CNBD1: variants seen among roughly 807,000 people sequenced by gnomAD.
CNBD1 encodes cyclic nucleotide-binding domain-containing protein 1.
Under a neutral mutation model 54.4 loss-of-function variants are expected in CNBD1, and 71 were observed. That is an observed-to-expected ratio of 1.30 (90% CI 1.08 to 1.59). The LOEUF (loss-of-function observed/expected upper bound fraction) is 1.59, where lower values mean the gene tolerates loss of function less well. Ranked by LOEUF, CNBD1 falls within the 40% of genes most tolerant of loss-of-function variation. The pLI, the probability that CNBD1 is intolerant of heterozygous loss-of-function variation, is 0.00. For synonymous variants in CNBD1, 182 were observed against 170.7 expected, an observed-to-expected ratio of 1.07 and a Z score of -0.51; for missense variants, 659 against 518.0, an observed-to-expected ratio of 1.27 and a Z score of -2.64.
chr8:87,350,335 A>AT (rs952253719), intron 8 of CNBD1, among the ~76,000 whole-genome samples: 3 of 152,124 alleles, frequency 2.0e-5, no homozygotes, highest in East Asian at 3.9e-4. Flanking sequence ...TAACCTTTTA[A>AT]TTTTTTATTA....
chr8:87,219,972 A>G (rs968924703), intron 5 of CNBD1, among the ~76,000 whole-genome samples: 3 of 152,044 alleles, frequency 2.0e-5, no homozygotes, highest in Non-Finnish European at 4.4e-5. Context: ...TAGGCAATAA[A>G]AAAGTTTAAT....
intron 4 of CNBD1, among the ~76,000 whole-genome samples, chr8:87,126,451 C>G (rs997361591): frequency 1.3e-5 from 2 of 151,992 alleles, no homozygotes; most frequent in African/African-American, 2.4e-5. Context: ...TTTACTTGTA[C>G]AAATCTTTGT....
intron 4 of CNBD1, among the ~76,000 whole-genome samples, chr8:87,177,963 T>A (rs1446629542): frequency 6.6e-6 from 1 of 152,198 alleles, no homozygotes; most frequent in East Asian, 1.9e-4. Flanking sequence ...TATAATGTAA[T>A]GTTGTATGAA....
rs548146567 is a variant in CNBD1, at chr8:87,215,587, C to CAAA, written c.577+9464_577+9466dup. Reference sequence around the variant, plus strand: ...TGGGCGACAGAGTGAGACTCCTTCTCAAAAAAAAAAAAAAAAAGAGTTTCT... The same window carrying CAAA: ...TGGGCGACAGAGTGAGACTCCTTCTCAAAAAAAAAAAAAAAAAAAAGAGTTTCT... On this transcript the variant is annotated intron_variant, in intron 5 of 10. Transcript: ENST00000518476. Among the ~76,000 whole-genome samples the CAAA allele has an allele frequency of 3.9e-3, 249 of 63,592 alleles. 4 individuals carry two copies. Among genetic ancestry groups the CAAA allele is most frequent in the South Asian group, 0.037 (71 of 1,898 alleles). The allele number at this position is 63,592 out of a possible 152,430, so 41.7% of individuals were successfully genotyped here. A position where few individuals can be genotyped will look rare whatever the true frequency, so the allele number is the denominator to read the frequency against.
chr8:87,046,055 A>C (rs1167646684), intron 4 of CNBD1, among the ~76,000 whole-genome samples: 2 of 151,104 alleles, frequency 1.3e-5, no homozygotes, highest in Admixed American at 6.6e-5. Flanking sequence ...AAAAAAAAAA[A>C]AAAAAAAAAA....
chr8:87,015,183 G>T (rs952384502), intron 4 of CNBD1, among the ~76,000 whole-genome samples: 3 of 151,982 alleles, frequency 2.0e-5, no homozygotes. Context: ...GACTTTTTGT[G>T]GGGGAGGGGG....
chr8:86,957,887 G>A (rs1807819961), intron 4 of CNBD1, among the ~76,000 whole-genome samples: 1 of 152,016 alleles, frequency 6.6e-6, no homozygotes, highest in Non-Finnish European at 1.5e-5. Context: ...GAATGTGTTT[G>A]CCCTTGCTTC....
intron 4 of CNBD1, among the ~76,000 whole-genome samples, chr8:87,075,066 T>G (rs922060542): frequency 6.6e-6 from 1 of 152,220 alleles, no homozygotes; most frequent in African/African-American, 2.4e-5. Flanking sequence ...CTCTTAGGCA[T>G]ATTATGAATA....
At chr8:86,900,587 AATAGACT>A (rs1808917301) in intron 2 of CNBD1, among the ~76,000 whole-genome samples, 1 of 152,144 alleles carries the variant, frequency 6.6e-6, no homozygotes, top group Admixed American at 6.5e-5. Flanking sequence ...TTACTTGCCT[AATAGACT>A]ATAAACAGTG....
chr8:87,123,096 T>C (rs533550163), intron 4 of CNBD1, among the ~76,000 whole-genome samples: 1 of 152,004 alleles, frequency 6.6e-6, no homozygotes, highest in Admixed American at 6.6e-5. Flanking sequence ...ATTGGAATTT[T>C]GACAGAGAAT....
At chr8:86,895,000 TAGAG>T (rs1808828987) in intron 2 of CNBD1, among the ~76,000 whole-genome samples, 1 of 152,164 alleles carries the variant, frequency 6.6e-6, no homozygotes, top group African/African-American at 2.4e-5. Context: ...ATAGAGAAGA[TAGAG>T]AAAGACACCA....
chr8:86,950,582 C>A (rs905600223), intron 4 of CNBD1, among the ~76,000 whole-genome samples: 2 of 152,000 alleles, frequency 1.3e-5, no homozygotes, highest in African/African-American at 4.8e-5. Context: ...CAGTGTTCAT[C>A]AGAGATGTTG....
chr8:87,157,985 G>A lies in CNBD1; in HGVS notation c.432-48008G>A, dbSNP rs1227005248. On this transcript the variant is annotated intron_variant, in intron 4 of 10. Coordinates refer to ENST00000518476, the MANE Select transcript of CNBD1 (RefSeq NM_173538.3). ...TAGATTTACTGCTTATTGCTCATAT[G>A]AGTATGAGCAAGTTACTATACTACT... Among the ~76,000 whole-genome samples, 4 of 152,070 alleles carry A rather than the reference G, an allele frequency of 2.6e-5. No homozygotes were observed. The East Asian group carries it at 7.7e-4, about 29-fold the overall frequency.
intron 8 of CNBD1, among the ~76,000 whole-genome samples, chr8:87,324,301 A>G (rs1191387755): frequency 7.1e-5 from 9 of 127,514 alleles, no homozygotes; most frequent in Admixed American, 2.3e-4. Flanking sequence ...TTGGTATCAG[A>G]ATGATGCTGG....
intron 4 of CNBD1, among the ~76,000 whole-genome samples, chr8:87,131,769 G>A (rs1196587168): frequency 1.3e-5 from 2 of 151,382 alleles, no homozygotes; most frequent in Admixed American, 1.3e-4. Context: ...ATCAAATTAT[G>A]AAAAAAAATA....
intron 4 of CNBD1, among the ~76,000 whole-genome samples, chr8:86,991,622 G>A (rs544049639): frequency 1.3e-5 from 2 of 152,074 alleles, no homozygotes; most frequent in Non-Finnish European, 2.9e-5. Context: ...TTGTTACTTT[G>A]CAATCTTTCT....
At chr8:87,304,769 A>G (rs1457187728) in intron 8 of CNBD1, among the ~76,000 whole-genome samples, 1 of 152,192 alleles carries the variant, frequency 6.6e-6, no homozygotes, top group Non-Finnish European at 1.5e-5. Flanking sequence ...TCTTAATGTA[A>G]TAAAAGCCAT....
chr8:87,426,963 G>A (rs1044192925), intron 2 of CNBD1, among the ~76,000 whole-genome samples: 2 of 152,136 alleles, frequency 1.3e-5, no homozygotes, highest in African/African-American at 4.8e-5. Context: ...AAATAATGGA[G>A]CCAACTGTTA....
chr8:87,411,375 G>C (rs920324209), intron 2 of CNBD1, among the ~76,000 whole-genome samples: 2 of 106,410 alleles, frequency 1.9e-5, no homozygotes, highest in African/African-American at 7.9e-5. Context: ...GCATTTCATA[G>C]GCAGGATTAA....
Sources: gnomAD v4.1 joint callset for allele counts (sites outside exome capture counted in the v4.1 genomes callset) on GRCh38, gnomAD v4.1.1 for gene constraint, MANE v1.5 for transcripts, NCBI Gene and HGNC (gene_info 2026-07-23, HGNC 2026-07-21) for gene names.